EFNA5: variants seen among roughly 807,000 people sequenced by gnomAD.
The protein encoded by EFNA5 is ephrin A5, also known as ephrin-A5.
A neutral mutation model predicts 22.9 loss-of-function variants in EFNA5; 5 were observed. That is an observed-to-expected ratio of 0.22 (90% CI 0.11 to 0.46). The LOEUF is 0.46. EFNA5 is among the 20% of genes least tolerant of loss of function. The probability of loss-of-function intolerance (pLI) is 0.99; values close to 1 mark genes in which losing one functional copy is unlikely to be tolerated. For missense variants in EFNA5, 237 were observed against 293.3 expected (o/e 0.81, Z 1.40); for synonymous variants, 113 against 112.2 (o/e 1.01, Z -0.04).
intron 1 of EFNA5, among the ~76,000 whole-genome samples, chr5:107,470,408 A>G (rs1357500764): frequency 1.3e-5 from 2 of 152,246 alleles, no homozygotes; most frequent in African/African-American, 2.4e-5. Flanking sequence ...ATCCAAGGAA[A>G]TGACTAATCT....
chr5:107,453,008 A>G (rs1190164086), intron 1 of EFNA5, among the ~76,000 whole-genome samples: 1 of 152,306 alleles, frequency 6.6e-6, no homozygotes, highest in Admixed American at 6.5e-5. Flanking sequence ...TTGTATCCAT[A>G]TAAGAATAAT....
chr5:107,615,845 T>C (rs1749901748), intron 1 of EFNA5, among the ~76,000 whole-genome samples: 1 of 152,138 alleles, frequency 6.6e-6, no homozygotes, highest in South Asian at 2.1e-4. Context: ...TATTTTACAC[T>C]GAATGAATGG....
chr5:107,542,556 G>A (rs73198615), intron 1 of EFNA5, among the ~76,000 whole-genome samples: 6,012 of 151,728 alleles, frequency 0.04, 337 homozygotes, highest in African/African-American at 0.14. Context: ...GTGGTATAAG[G>A]GGGGGGTGCG....
chr5:107,612,386 A>G (rs1580559893), intron 1 of EFNA5, among the ~76,000 whole-genome samples: 1 of 152,150 alleles, frequency 6.6e-6, no homozygotes, highest in South Asian at 2.1e-4. Flanking sequence ...CTGAACTCTT[A>G]AAACCAGACA....
intron 2 of EFNA5, among the ~76,000 whole-genome samples, chr5:107,401,427 G>A (rs1748081542): frequency 6.6e-6 from 1 of 152,130 alleles, no homozygotes. Flanking sequence ...CTTATTTGGT[G>A]TAACTCATAT....
At chr5:107,404,154 G>A (rs1748153847) in intron 2 of EFNA5, among the ~76,000 whole-genome samples, 1 of 152,178 alleles carries the variant, frequency 6.6e-6, no homozygotes, top group Non-Finnish European at 1.5e-5. Context: ...AAGTACACAT[G>A]GTTCAAGCTC....
chr5:107,592,232 A>G (rs1749385439), intron 1 of EFNA5, among the ~76,000 whole-genome samples: 1 of 149,204 alleles, frequency 6.7e-6, no homozygotes, highest in South Asian at 2.1e-4. Flanking sequence ...TTTTTGTACT[A>G]TAAATTTTAT....
chr5:107,588,148 C>A (rs1429658574), intron 1 of EFNA5, among the ~76,000 whole-genome samples: 1 of 152,112 alleles, frequency 6.6e-6, no homozygotes, highest in Admixed American at 6.5e-5. Flanking sequence ...TCAAACCAAC[C>A]CATTATCTGG....
intron 1 of EFNA5, among the ~76,000 whole-genome samples, chr5:107,579,406 T>G (rs531576645): frequency 4.1e-4 from 62 of 152,316 alleles, no homozygotes; most frequent in Non-Finnish European, 6.6e-4. Flanking sequence ...GAACGGCTAG[T>G]GGCTGAACCA....
At chr5:107,382,689 G>A (rs1460865936) in intron 4 of EFNA5, among the ~76,000 whole-genome samples, 2 of 152,132 alleles carry the variant, frequency 1.3e-5, no homozygotes, top group Non-Finnish European at 2.9e-5. Flanking sequence ...TTTAGACTAA[G>A]GATCTCTGAA....
chr5:107,543,274 G>C (rs1168843332), intron 1 of EFNA5, among the ~76,000 whole-genome samples: 2 of 152,130 alleles, frequency 1.3e-5, no homozygotes, highest in Non-Finnish European at 2.9e-5. Flanking sequence ...GGGGACTCCA[G>C]GTTAAAAAAC....
At chr5:107,444,730 T>C (rs1419316119) in intron 1 of EFNA5, among the ~76,000 whole-genome samples, 1 of 152,134 alleles carries the variant, frequency 6.6e-6, no homozygotes, top group Non-Finnish European at 1.5e-5. Context: ...CCAAATCCAT[T>C]TGTGTAAGTC....
intron 1 of EFNA5, among the ~76,000 whole-genome samples, chr5:107,662,790 T>A (rs1340390390): frequency 1.3e-4 from 17 of 133,352 alleles, no homozygotes; most frequent in South Asian, 2.4e-4. Context: ...CTTGAGTAAT[T>A]AAAAAAAAAA....
chr5:107,517,070 C>T (rs902778720), intron 1 of EFNA5, among the ~76,000 whole-genome samples: 1 of 151,510 alleles, frequency 6.6e-6, no homozygotes, highest in Admixed American at 6.6e-5. Flanking sequence ...GACTGGATGG[C>T]TCTGTAAATA....
chr5:107,430,306 G>C (rs930839749), intron 1 of EFNA5, among the ~76,000 whole-genome samples: 1 of 152,114 alleles, frequency 6.6e-6, no homozygotes, highest in Non-Finnish European at 1.5e-5. Context: ...TTTTGGATAA[G>C]AGCCAGACAA....
intron 1 of EFNA5, among the ~76,000 whole-genome samples, chr5:107,619,333 C>A (rs1030477183): frequency 1.3e-5 from 2 of 152,134 alleles, no homozygotes; most frequent in Admixed American, 1.3e-4. Context: ...AGCATACCTC[C>A]ACTTGACCTT....
At chr5:107,492,757 C>T (rs191091401) in intron 1 of EFNA5, among the ~76,000 whole-genome samples, 18 of 152,176 alleles carry the variant, frequency 1.2e-4, no homozygotes, top group African/African-American at 4.3e-4. Flanking sequence ...CCAGCACCTT[C>T]GGAGGCCGAG....
At chr5:107,637,947 T>C (rs919799563) in intron 1 of EFNA5, among the ~76,000 whole-genome samples, 1 of 151,498 alleles carries the variant, frequency 6.6e-6, no homozygotes, top group African/African-American at 2.4e-5. Flanking sequence ...CCTGGGTTCA[T>C]GCCATTCTCC....
At chr5:107,637,184 A>G (rs1249742965) in intron 1 of EFNA5, among the ~76,000 whole-genome samples, 1 of 152,292 alleles carries the variant, frequency 6.6e-6, no homozygotes, top group African/African-American at 2.4e-5. Flanking sequence ...GATAAACCAT[A>G]ACCAAAAATA....
Sources: allele counts gnomAD v4.1 joint callset (sites outside exome capture counted in the v4.1 genomes callset), GRCh38; gene constraint gnomAD v4.1.1; transcripts MANE v1.5; gene names NCBI Gene and HGNC (gene_info 2026-07-23, HGNC 2026-07-21).